The following SUN1 variants were observed in gnomAD, a reference collection of about 807,000 sequenced individuals.
SUN1 encodes Sad1 and UNC84 domain containing 1.
A neutral mutation model predicts 103.2 loss-of-function variants in SUN1; 61 were observed. The ratio of observed to expected loss-of-function variants is 0.59; its 90% confidence interval spans 0.48 to 0.73. The LOEUF (loss-of-function observed/expected upper bound fraction) is 0.73. Among genes scored for constraint, SUN1 ranks in the 30% least tolerant of loss-of-function variants. The pLI is 0.00. For synonymous variants in SUN1, 490 were observed against 425.7 expected (o/e 1.15, Z -1.86); for missense variants, 1,052 against 1,034.6 (o/e 1.02, Z -0.23).
chr7:863,455 C>A (rs934118931), intron 15 of SUN1, among the ~76,000 whole-genome samples: 1 of 152,250 alleles, frequency 6.6e-6, no homozygotes, highest in Non-Finnish European at 1.5e-5. Flanking sequence ...TCTGCCTGTC[C>A]TGTATCCTAC....
chr7:848,096 C>T (rs1015881371), intron 5 of SUN1, among the ~76,000 whole-genome samples: 1 of 151,560 alleles, frequency 6.6e-6, no homozygotes. Flanking sequence ...CTGGGGGTTA[C>T]TCCGCAGTAC....
chr7:841,538 G>A (rs920040220), intron 2 of SUN1, among the ~76,000 whole-genome samples: 9 of 152,140 alleles, frequency 5.9e-5, no homozygotes, highest in African/African-American at 1.9e-4. Context: ...CACCGCGCCT[G>A]GCCATGACTA....
chr7:837,189 G>C (rs1562573134), intron 1 of SUN1, among the ~76,000 whole-genome samples: 1 of 152,234 alleles, frequency 6.6e-6, no homozygotes, highest in Non-Finnish European at 1.5e-5. Context: ...CGGAGGCTCT[G>C]AAGTGCTGGG....
rs199865981 is a variant in SUN1, at chr7:843,247, C to T, written c.478+15C>T. 359 of 1,608,112 alleles carry T rather than the reference C, an allele frequency of 2.2e-4. No individual in the cohort carries two copies. The highest frequency in any genetic ancestry group is 2.9e-4 in the Non-Finnish European group (341 of 1,179,126). On this transcript the variant is annotated intron_variant, in intron 4 of 18. Transcript: ENST00000401592. ...TGATCTTAAAGGTAATTATTTTAGT[C>T]CTTTTATCTTCATATACTTTTCAAA...
intron 5 of SUN1, chr7:843,932 A>G (rs1812623550): frequency 2.7e-6 from 3 of 1,111,840 alleles, no homozygotes; most frequent in East Asian, 6.1e-5. Flanking sequence ...CGTGTCGGGA[A>G]AACATTTCCC....
chr7:851,885 G>T (rs956989208), intron 6 of SUN1, 65 bp from the exon 7 acceptor site: 4 of 1,538,052 alleles, frequency 2.6e-6, no homozygotes, highest in Non-Finnish European at 3.6e-6. Context: ...CACAGAAATG[G>T]TCCATTTAGG....
At position 860,264 on chromosome 7, in the gene SUN1, T is replaced by G. The variant is rs758077220; in HGVS notation, c.1661T>G (p.Leu554Arg). ...GACTTGCAGACGATGCTGCGAGACCTGCAGCTGCAGATCCTGCGGAACGTC... is the reference window on the plus strand; with the variant it reads ...GACTTGCAGACGATGCTGCGAGACCGGCAGCTGCAGATCCTGCGGAACGTC... ...KGDLQTMLRD[L>R]QLQILRNVTH... is the part of the protein sequence containing the mutation. Residue 554 changes from leucine to arginine, a missense_variant, in exon 14 of 19, where the codon CTG (leucine) becomes CGG (arginine). Physicochemically the swap from Leu to Arg is moderately radical, Grantham distance 102. This residue lies in a region of SUN1 where 846 missense variants were observed against 774.5 expected (regional missense o/e 1.09). Transcript: ENST00000401592. 3 of 1,614,248 alleles carry G rather than the reference T, an allele frequency of 1.9e-6. No individual in the cohort carries two copies. In the Admixed American group the frequency reaches 5.0e-5, roughly 27 times the overall value.
At position 834,012 on chromosome 7, in the gene SUN1, C is replaced by G. The variant is rs116921694; in HGVS notation, c.77+1411C>G. 3.7e-3 allele frequency among the ~76,000 whole-genome samples: 566 copies of G among 152,240 alleles called. 2 individuals are homozygous for G. The highest frequency in any genetic ancestry group is 6.5e-3 in the Non-Finnish European group (443 of 68,030). ...TTCAGTGAGACCTGTGGGCAGACCT[C>G]TGTGGCAGCTGGAGTGGGAAATGCA... On this transcript the variant is annotated intron_variant, in intron 1 of 18. Transcript: ENST00000401592.
intron 13 of SUN1, 66 bp from the exon 14 acceptor site, chr7:860,062 T>C (rs934325940): frequency 3.3e-5 from 52 of 1,571,642 alleles, no homozygotes; most frequent in Non-Finnish European, 4.4e-5. Flanking sequence ...TCTAAGATAA[T>C]GGACCCGAAC....
chr7:817,397 C>T, intron 1 of SUN1: 1 of 1,534,940 alleles, frequency 6.5e-7, no homozygotes, highest in Admixed American at 2.0e-5. Flanking sequence ...TCAAAGTGCC[C>T]AGAATGGTGT....
chr7:861,359 C>T (rs112429458), intron 14 of SUN1, 21 bp from the exon 15 acceptor site: 1 of 1,613,954 alleles, frequency 6.2e-7, no homozygotes, highest in Non-Finnish European at 8.5e-7. Context: ...GTTTGGTCTT[C>T]CGTCCCTCGT....
At chr7:843,144 T>G in intron 3 of SUN1, 62 bp from the exon 4 acceptor site, 2 of 1,596,422 alleles carry the variant, frequency 1.3e-6, no homozygotes, top group Non-Finnish European at 1.7e-6. Flanking sequence ...TGGGTTTTGT[T>G]CTTATTTGAT....
chr7:823,439 C>T (rs1363589917), intron 1 of SUN1, among the ~76,000 whole-genome samples: 1 of 151,304 alleles, frequency 6.6e-6, no homozygotes, highest in African/African-American at 2.4e-5. Flanking sequence ...CAAGGAGATG[C>T]GGAAGGGGAT....
chr7:849,892 C>T, intron 5 of SUN1: 1 of 1,575,878 alleles, frequency 6.3e-7, no homozygotes, highest in South Asian at 1.1e-5. Context: ...TGTGAATCCG[C>T]CACACTCACT....
chr7:823,155 C>T (rs1359113779), intron 1 of SUN1, among the ~76,000 whole-genome samples: 5 of 152,226 alleles, frequency 3.3e-5, no homozygotes, highest in Admixed American at 2.6e-4. Context: ...CTTCCAGTCA[C>T]GTGCAGCGTT....
chr7:867,195 C>T (rs566020190), intron 16 of SUN1, among the ~76,000 whole-genome samples: 14 of 152,220 alleles, frequency 9.2e-5, no homozygotes, highest in African/African-American at 1.9e-4. Flanking sequence ...CCATCAGCAC[C>T]GCACGGGCTC....
At chr7:821,818 G>A (rs928419739) in intron 1 of SUN1, among the ~76,000 whole-genome samples, 1 of 152,168 alleles carries the variant, frequency 6.6e-6, no homozygotes, top group Non-Finnish European at 1.5e-5. Flanking sequence ...CAGCGGGAAA[G>A]GGAGTTCCCA....
intron 17 of SUN1, among the ~76,000 whole-genome samples, chr7:870,447 AGGCTT>A (rs1219979545): frequency 3.3e-5 from 5 of 151,756 alleles, no homozygotes; most frequent in Non-Finnish European, 5.9e-5. Context: ...AAAGTTAGCC[AGGCTT>A]ATGCGTGCCT....
At position 860,258 on chromosome 7, in the gene SUN1, G is replaced by A. The variant is rs779036128; in HGVS notation, c.1655G>A (p.Arg552Gln). Residue 552 changes from arginine to glutamine, a missense_variant, in exon 14 of 19, where the codon CGA (arginine) becomes CAA (glutamine). Physicochemically the swap from Arg to Gln is conservative, Grantham distance 43 (BLOSUM62 1). Coordinates refer to ENST00000401592, the MANE Select transcript of SUN1 (RefSeq NM_001130965.3). Reference sequence around the variant, plus strand: ...AAAGGCGACTTGCAGACGATGCTGCGAGACCTGCAGCTGCAGATCCTGCGG... The same window carrying A: ...AAAGGCGACTTGCAGACGATGCTGCAAGACCTGCAGCTGCAGATCCTGCGG... ...VSKGDLQTML[R>Q]DLQLQILRNV... 6.8e-6 allele frequency: 11 copies of A among 1,614,240 alleles called. No homozygotes were observed. The highest frequency in any genetic ancestry group is 3.3e-5 in the South Asian group (3 of 91,084).
Sources: gnomAD v4.1 joint callset for allele counts (sites outside exome capture counted in the v4.1 genomes callset) on GRCh38, gnomAD v4.1.1 for gene constraint, gnomAD v4.1.1 regional missense constraint, MANE v1.5 for transcripts, NCBI Gene and HGNC (gene_info 2026-07-23, HGNC 2026-07-21) for gene names.